DAZAP1: variants seen among roughly 807,000 people sequenced by gnomAD.
The protein encoded by DAZAP1 is DAZ-associated protein 1.
DAZAP1 carries 6 observed loss-of-function variants against 60.1 expected under a neutral mutation model. That is an observed-to-expected ratio of 0.10 (90% CI 0.05 to 0.20). The LOEUF (loss-of-function observed/expected upper bound fraction) is 0.20. Among genes scored for constraint, DAZAP1 ranks in the 10% least tolerant of loss-of-function variants. The pLI, the probability that DAZAP1 is intolerant of heterozygous loss-of-function variation, is 1.00. For synonymous variants in DAZAP1, 235 were observed against 215.9 expected (o/e 1.09, Z -0.78); for missense variants, 366 against 560.4 (o/e 0.65, Z 3.50).
chr19:1,413,374 C>T lies in DAZAP1; in HGVS notation c.30-4126C>T, dbSNP rs180746986. Among the ~76,000 whole-genome samples the T allele has an allele frequency of 5.3e-5, 8 of 152,364 alleles. No individual in the cohort carries two copies. The East Asian group carries it at 1.5e-3, about 29-fold the overall frequency. On this transcript the variant is annotated intron_variant, in intron 1 of 11. Transcript: ENST00000233078. ...CCGCATGTTTCTGATGTGCCGGCTT[C>T]TCACTCACGACCTGGTGAGGTTGGC...
At chr19:1,430,988 T>C (rs1341484134) in intron 10 of DAZAP1, among the ~76,000 whole-genome samples, 1 of 151,858 alleles carries the variant, frequency 6.6e-6, no homozygotes, top group African/African-American at 2.4e-5. Context: ...CCCAAAGTGC[T>C]GGGATTACAG....
At chr19:1,421,444 T>C (rs1206941758) in intron 5 of DAZAP1, among the ~76,000 whole-genome samples, 186 bp downstream of exon 5, 1 of 152,262 alleles carries the variant, frequency 6.6e-6, no homozygotes. Flanking sequence ...TTTGCCTTCA[T>C]GGCCATTTCG....
chr19:1,417,293 C>A, intron 1 of DAZAP1: 1 of 630,436 alleles, frequency 1.6e-6, no homozygotes, highest in Non-Finnish European at 2.8e-6. Context: ...CTCCCCATGG[C>A]AAGGATTGGG....
In DAZAP1 at chr19:1,429,992, G is replaced by A. The variant is rs543677045; in HGVS notation, c.726G>A (p.Ala242=). 5 of 1,572,782 alleles carry A rather than the reference G, an allele frequency of 3.2e-6. No homozygotes were observed. Among genetic ancestry groups the A allele is most frequent in the South Asian group, 1.2e-5 (1 of 86,088 alleles). Residue 242 remains alanine (A), a synonymous_variant, in exon 9 of 12, where the codon GCG becomes GCA. Coordinates refer to ENST00000233078, the MANE Select transcript of DAZAP1 (RefSeq NM_018959.4). ...PQGMWVPAGQ[A]IGGYGPPPAG... The stretch of plus-strand genomic sequence containing the variant: ...GAATGTGGGTGCCGGCAGGACAGGC[G>A]ATTGGTAAGTCCTTGTTTATAGAGC...
chr19:1,422,246 C>G lies in DAZAP1; in HGVS notation c.415-102C>G. The G allele has an allele frequency of 9.2e-7, 1 of 1,085,958 alleles. No individual in the cohort carries two copies. 67.3% of individuals were successfully genotyped at this position (1,085,958 alleles called of 1,614,324 possible). ...ACCTCCCCCGCTCAGGGAGGGCGCA[C>G]CCTGTGCGAGAGTTTGGGTTCGTGG... On this transcript the variant is annotated intron_variant, in intron 5 of 11. Transcript: ENST00000233078. The surrounding 1 kb of genome is among the most constrained non-coding windows in gnomAD (Gnocchi z 4.5).
rs961023399 is a variant in DAZAP1 at position 1,432,781 on chromosome 19, C to T, written c.1048+91C>T. 2 of 1,400,968 alleles carry T rather than the reference C, an allele frequency of 1.4e-6. No homozygotes were observed. Among genetic ancestry groups the T allele is most frequent in the Non-Finnish European group, 1.9e-6 (2 of 1,030,546 alleles). The allele number at this position is 1,400,968 out of a possible 1,614,324, so 86.8% of individuals were successfully genotyped here. A position where few individuals can be genotyped will look rare whatever the true frequency, so the allele number is the denominator to read the frequency against. On this transcript the variant is annotated intron_variant, in intron 11 of 11. Transcript: ENST00000233078. The surrounding 1 kb of genome is among the most constrained non-coding windows in gnomAD (Gnocchi z 4.9). The stretch of plus-strand genomic sequence containing the variant: ...TCTGCTTCCTCCCCTGCTGGACGCT[C>T]CCCAGCCTTTACCTGGTGGGAAAGG...
At position 1,418,207 on chromosome 19, in the gene DAZAP1, C is replaced by T; in HGVS notation, c.74C>T (p.Thr25Ile). The part of the protein sequence containing the change: ...GGLDWSTTQE[T>I]LRSYFSQYGE... ...TTTCTTCCCGATTTCTGAGCAGAGA[C>T]TCTGCGCAGCTACTTTTCCCAATAT... is the stretch of plus-strand genomic sequence containing the variant. The change falls in exon 3 of 12, where the codon ACT becomes ATT. Residue 25 changes from threonine to isoleucine, a missense_variant. This residue lies in a region of DAZAP1 where 98 missense variants were observed against 155.3 expected (regional missense o/e 0.63). Coordinates refer to ENST00000233078, the MANE Select transcript of DAZAP1 (RefSeq NM_018959.4). This position sits in a 1 kb window ranked among gnomAD's most constrained non-coding sequence, Gnocchi z 5.7. 6.2e-7 allele frequency: 1 copy of T among 1,614,064 alleles called. No individual in the cohort carries two copies. Among genetic ancestry groups the T allele is most frequent in the Non-Finnish European group, 8.5e-7 (1 of 1,179,892 alleles).
At chr19:1,420,346 C>T (rs1185260290) in intron 4 of DAZAP1, among the ~76,000 whole-genome samples, 2 of 143,292 alleles carry the variant, frequency 1.4e-5, no homozygotes, top group South Asian at 2.3e-4. Context: ...CCGAACGTCA[C>T]GGCGGCGAGC....
At chr19:1,421,437 G>A (rs1941169110) in intron 5 of DAZAP1, among the ~76,000 whole-genome samples, 179 bp downstream of exon 5, 1 of 152,286 alleles carries the variant, frequency 6.6e-6, no homozygotes, top group African/African-American at 2.4e-5. Flanking sequence ...CCCGGCCTTT[G>A]CCTTCATGGC....
intron 6 of DAZAP1, among the ~76,000 whole-genome samples, chr19:1,424,531 TC>T (rs2083258058): frequency 6.6e-6 from 1 of 151,726 alleles, no homozygotes; most frequent in African/African-American, 2.4e-5. Context: ...GTTTTGCTTG[TC>T]CTGTTTCTGC....
Position 1,423,014 on chromosome 19 carries a change from C to T in DAZAP1, c.463+618C>T, listed in dbSNP as rs2083203576. On this transcript the variant is annotated intron_variant, in intron 6 of 11. Transcript: ENST00000233078. The surrounding 1 kb of genome is among the most constrained non-coding windows in gnomAD (Gnocchi z 6.8). ...GACGATGGGCGCCCAGTTTCTGTGC[C>T]CCTTTTCCGTGGCTGCTGCTGTCTG... Among the ~76,000 whole-genome samples, 1 of 152,108 alleles carries T rather than the reference C, an allele frequency of 6.6e-6. No homozygotes were observed. Among genetic ancestry groups the T allele is most frequent in the African/African-American group, 2.4e-5 (1 of 41,412 alleles).
At position 1,434,650 on chromosome 19, in the gene DAZAP1, C is replaced by T. The variant is rs1002138778; in HGVS notation, c.1049-87C>T. On this transcript the variant is annotated intron_variant, in intron 11 of 11. Coordinates refer to ENST00000233078, the MANE Select transcript of DAZAP1 (RefSeq NM_018959.4). This position sits in a 1 kb window ranked among gnomAD's most constrained non-coding sequence, Gnocchi z 8.0. ...GGGACCCGTGGACTCAAGGCAGGCT[C>T]GGCGGAGCTGTGTCCAGGTGGCCTC... The T allele has an allele frequency of 7.0e-5, 101 of 1,448,690 alleles. No homozygotes were observed. Among genetic ancestry groups the T allele is most frequent in the African/African-American group, 8.5e-5 (6 of 70,264 alleles). 89.7% of individuals were successfully genotyped at this position (1,448,690 alleles called of 1,614,324 possible). A position where few individuals can be genotyped will look rare whatever the true frequency, so the allele number is the denominator to read the frequency against.
chr19:1,434,941 C>G lies in DAZAP1; in HGVS notation c.*29C>G. ...GCGGCGCCGCGACGTCTGCACGGCC[C>G]AGACCCAGGATTCCAAACTTGTGAA... is the stretch of plus-strand genomic sequence containing the variant. On this transcript the variant is annotated 3_prime_UTR_variant, in exon 12 of 12. Coordinates refer to ENST00000233078, the MANE Select transcript of DAZAP1 (RefSeq NM_018959.4). This position sits in a 1 kb window ranked among gnomAD's most constrained non-coding sequence, Gnocchi z 8.0. 2 of 1,321,150 alleles carry G rather than the reference C, an allele frequency of 1.5e-6. No individual in the cohort carries two copies. The allele number at this position is 1,321,150 out of a possible 1,614,324, so 81.8% of individuals were successfully genotyped here. A position where few individuals can be genotyped will look rare whatever the true frequency, so the allele number is the denominator to read the frequency against.
At chr19:1,413,097 G>A (rs539502815) in intron 1 of DAZAP1, among the ~76,000 whole-genome samples, 5 of 152,298 alleles carry the variant, frequency 3.3e-5, no homozygotes, top group South Asian at 2.1e-4. Context: ...CTTCATCTGC[G>A]TAGGCCAGTG....
chr19:1,413,989 C>CTGTGTGTG (rs3065755), intron 1 of DAZAP1, among the ~76,000 whole-genome samples: 5,359 of 130,066 alleles, frequency 0.041, 177 homozygotes, highest in African/African-American at 0.068. Flanking sequence ...CCCCAGTGAA[C>CTGTGTGTG]TGTGTGTGTG....
chr19:1,421,607 G>A (rs1223913314), intron 5 of DAZAP1, among the ~76,000 whole-genome samples: 1 of 152,276 alleles, frequency 6.6e-6, no homozygotes, highest in East Asian at 1.9e-4. Context: ...GCCCCACAGA[G>A]CTGACTTTCC....
Position 1,430,292 on chromosome 19 carries a change from G to A in DAZAP1, c.801G>A (p.Val267=), listed in dbSNP as rs779836227. 2.7e-6 allele frequency: 4 copies of A among 1,484,782 alleles called. No homozygotes were observed. Among genetic ancestry groups the A allele is most frequent in the Non-Finnish European group, 3.7e-6 (4 of 1,087,080 alleles). The allele number at this position is 1,484,782 out of a possible 1,614,324, so 92.0% of individuals were successfully genotyped here. A position where few individuals can be genotyped will look rare whatever the true frequency, so the allele number is the denominator to read the frequency against. The change falls in exon 10 of 12, where the codon GTG becomes GTA. Residue 267 remains valine (V), a synonymous_variant. Coordinates refer to ENST00000233078, the MANE Select transcript of DAZAP1 (RefSeq NM_018959.4). ...PPPPPFTSYI[V]STPPGGFPPP... ...CCCCACCGTTCACCTCCTACATCGT[G>A]TCCACCCCTCCTGGAGGCTTTCCCC...
intron 6 of DAZAP1, among the ~76,000 whole-genome samples, chr19:1,424,935 C>T (rs1014427309): frequency 6.6e-6 from 1 of 152,206 alleles, no homozygotes; most frequent in Non-Finnish European, 1.5e-5. Context: ...CGCACTCCTG[C>T]GCCTAGAGGA....
rs556771946 is a variant in DAZAP1, at chr19:1,423,931, A to T, written c.463+1535A>T. On this transcript the variant is annotated intron_variant, in intron 6 of 11. Transcript: ENST00000233078. This position sits in a 1 kb window ranked among gnomAD's most constrained non-coding sequence, Gnocchi z 6.8. ...GGCCAGCACGTGGCCACATGTCCTT[A>T]GCTGTTGGGCTTTGAAAGTGTCCCT... Among the ~76,000 whole-genome samples, 1 of 152,238 alleles carries T rather than the reference A, an allele frequency of 6.6e-6. No homozygotes were observed. Among genetic ancestry groups the T allele is most frequent in the African/African-American group, 2.4e-5 (1 of 41,532 alleles).
Sources: gnomAD v4.1 joint callset for allele counts (sites outside exome capture counted in the v4.1 genomes callset) on GRCh38, gnomAD v4.1.1 for gene constraint, gnomAD v4.1.1 regional missense constraint, Gnocchi (gnomAD v3.1) non-coding constraint, MANE v1.5 for transcripts, NCBI Gene and HGNC (gene_info 2026-07-23, HGNC 2026-07-21) for gene names.